SYT1: variants seen among roughly 807,000 people sequenced by gnomAD.
SYT1 encodes synaptotagmin 1.
Under a neutral mutation model 44.8 loss-of-function variants are expected in SYT1, and 8 were observed. The observed-to-expected ratio is 0.18, with a 90% CI of 0.10 to 0.32. The LOEUF is 0.32. Among genes scored for constraint, SYT1 ranks in the 10% least tolerant of loss-of-function variants. The pLI, the probability that SYT1 is intolerant of heterozygous loss-of-function variation, is 1.00. For synonymous variants in SYT1, 154 were observed against 188.8 expected (o/e 0.82, Z 1.51); for missense variants, 286 against 509.3 (o/e 0.56, Z 4.22).
chr12:79,149,662 T>G (rs1870143690), intron 3 of SYT1, among the ~76,000 whole-genome samples: 1 of 152,130 alleles, frequency 6.6e-6, no homozygotes, highest in Non-Finnish European at 1.5e-5. Flanking sequence ...AAAAATAGGG[T>G]GATGAGTGCT....
intron 3 of SYT1, among the ~76,000 whole-genome samples, chr12:79,092,182 C>G (rs561225250): frequency 6.6e-6 from 1 of 151,980 alleles, no homozygotes; most frequent in Non-Finnish European, 1.5e-5. Context: ...AATTATTTAT[C>G]CAAGATATCA....
At chr12:79,028,803 A>G (rs1872673914) in intron 2 of SYT1, among the ~76,000 whole-genome samples, 1 of 151,282 alleles carries the variant, frequency 6.6e-6, no homozygotes, top group Admixed American at 6.6e-5. Context: ...TTGAGTGACA[A>G]TTTTATGCCG....
intron 8 of SYT1, among the ~76,000 whole-genome samples, chr12:79,304,791 TATA>T (rs1346927425): frequency 1.3e-5 from 2 of 152,036 alleles, no homozygotes; most frequent in African/African-American, 2.4e-5. Context: ...AATTTTATAA[TATA>T]GTAGATATAG....
chr12:79,005,249 T>C (rs1304182978), intron 2 of SYT1, among the ~76,000 whole-genome samples: 1 of 152,070 alleles, frequency 6.6e-6, no homozygotes, highest in East Asian at 1.9e-4. Flanking sequence ...TCTGAACCTA[T>C]TTATTAGTAA....
At chr12:78,951,807 A>G (rs549746485) in intron 1 of SYT1, among the ~76,000 whole-genome samples, 5 of 152,086 alleles carry the variant, frequency 3.3e-5, no homozygotes, top group Non-Finnish European at 7.4e-5. Flanking sequence ...TCTAATCGCA[A>G]CCTCCGTGCA....
Position 79,372,133 on chromosome 12 carries a change from G to A in SYT1, c.928+18514G>A, listed in dbSNP as rs564846196. Among the ~76,000 whole-genome samples, 229 of 152,104 alleles carry A rather than the reference G, an allele frequency of 1.5e-3. 1 individual carries two copies. Among genetic ancestry groups the A allele is most frequent in the Admixed American group, 5.2e-3 (80 of 15,272 alleles). On this transcript the variant is annotated intron_variant, in intron 9 of 10. Coordinates refer to ENST00000261205, the MANE Select transcript of SYT1 (RefSeq NM_005639.3). The stretch of plus-strand genomic sequence containing the variant: ...GTCCCATGATTTATCACACACTGTA[G>A]GTATTCGTGGCTCTTTCTCTGTGAA...
rs1219589671 is a variant in SYT1 at position 79,198,517 on chromosome 12, A to ATTTTATTTGATAC, written c.-17-18986_-17-18985insTTTTATTTGATAC. 3.0e-3 allele frequency among the ~76,000 whole-genome samples: 459 copies of ATTTTATTTGATAC among 152,354 alleles called. 3 individuals carry two copies. The highest frequency in any genetic ancestry group is 2.4e-3 in the Non-Finnish European group (162 of 68,028). ...TAAATTGATTTTATGCAATACACAG[A>ATTTTATTTGATAC]AAACAAGTATTTTATTGATATAAGT... On this transcript the variant is annotated intron_variant, in intron 3 of 10. Transcript: ENST00000261205.
rs1263210038 is a variant in SYT1 at position 78,929,407 on chromosome 12, CCCAAAAAAAAA to C, written c.-216-48391_-216-48381del. On this transcript the variant is annotated intron_variant, in intron 1 of 10. Transcript: ENST00000261205. Reference sequence around the variant, plus strand: ...CCTGGGTGACAGAGAGAGACTCCGTCCCAAAAAAAAAAAAAAAAAAAAAAAAAAAAAAAAAA... The same window carrying C: ...CCTGGGTGACAGAGAGAGACTCCGTCAAAAAAAAAAAAAAAAAAAAAAAAA... Among the ~76,000 whole-genome samples the C allele has an allele frequency of 6.3e-3, 93 of 14,680 alleles. 2 individuals are homozygous for C. Among genetic ancestry groups the C allele is most frequent in the South Asian group, 0.016 (7 of 448 alleles). The allele number at this position is 14,680 out of a possible 152,430, so 9.6% of individuals were successfully genotyped here. A position where few individuals can be genotyped will look rare whatever the true frequency, so the allele number is the denominator to read the frequency against.
intron 3 of SYT1, among the ~76,000 whole-genome samples, chr12:79,200,512 G>C (rs1237152367): frequency 2.6e-5 from 4 of 152,070 alleles, no homozygotes; most frequent in Non-Finnish European, 5.9e-5. Context: ...AAACTCAAAA[G>C]GGTATGAAAG....
chr12:78,924,629 A>T (rs1158879332), intron 1 of SYT1, among the ~76,000 whole-genome samples: 1 of 147,810 alleles, frequency 6.8e-6, no homozygotes, highest in Non-Finnish European at 1.5e-5. Flanking sequence ...ATATATATGT[A>T]TATATATTCT....
chr12:79,335,737 C>G (rs780754825), intron 8 of SYT1, among the ~76,000 whole-genome samples: 2 of 152,202 alleles, frequency 1.3e-5, no homozygotes, highest in Non-Finnish European at 2.9e-5. Flanking sequence ...CTCATGCTAC[C>G]TTTTCCTTAT....
intron 4 of SYT1, among the ~76,000 whole-genome samples, chr12:79,242,026 C>T (rs1876544307): frequency 2.6e-5 from 4 of 152,190 alleles, no homozygotes; most frequent in Admixed American, 2.6e-4. Context: ...AGGCATGGAA[C>T]AGAGTCTCTC....
At chr12:79,098,592 A>C (rs1283730488) in intron 3 of SYT1, among the ~76,000 whole-genome samples, 1 of 152,142 alleles carries the variant, frequency 6.6e-6, no homozygotes, top group Admixed American at 6.6e-5. Flanking sequence ...GTTATTTTAC[A>C]GTGTCCAGTT....
At chr12:78,931,160 GGAAAGAAAGAAAGAAAGAAAAAGAAA>G (rs1280624024) in intron 1 of SYT1, among the ~76,000 whole-genome samples, 1 of 118,052 alleles carries the variant, frequency 8.5e-6, no homozygotes, top group African/African-American at 3.4e-5. Flanking sequence ...GAAAGTCTGT[GGAAAGAAAGAAAGAAAGAAAAAGAAA>G]GAAAGAAAGA....
chr12:78,931,126 C>A lies in SYT1; in HGVS notation c.-216-46673C>A, dbSNP rs149359863. On this transcript the variant is annotated intron_variant, in intron 1 of 10. Transcript: ENST00000261205. ...GCAGTGAGCTGAGATCGCACCACTGCACTCCAGTCTGGGCAGCAAGAGTGA... is the reference window on the plus strand; with the variant it reads ...GCAGTGAGCTGAGATCGCACCACTGAACTCCAGTCTGGGCAGCAAGAGTGA... Among the ~76,000 whole-genome samples, 613 of 146,382 alleles carry A rather than the reference C, an allele frequency of 4.2e-3. 7 individuals are homozygous for A. The highest frequency in any genetic ancestry group is 0.015 in the African/African-American group (588 of 39,020).
chr12:78,986,556 C>T (rs117261210), intron 2 of SYT1, among the ~76,000 whole-genome samples: 27 of 151,744 alleles, frequency 1.8e-4, no homozygotes, highest in Non-Finnish European at 2.9e-4. Flanking sequence ...AACAAAGTAA[C>T]GATTATTTGG....
At chr12:79,272,848 C>T (rs1555213239) in intron 4 of SYT1, among the ~76,000 whole-genome samples, 7 of 152,042 alleles carry the variant, frequency 4.6e-5, no homozygotes. Context: ...AAAATAAAAG[C>T]AGAAGAAAAT....
At chr12:79,094,013 C>A (rs1439613363) in intron 3 of SYT1, among the ~76,000 whole-genome samples, 1 of 151,372 alleles carries the variant, frequency 6.6e-6, no homozygotes, top group Non-Finnish European at 1.5e-5. Flanking sequence ...CCAGCCAAAC[C>A]AAATATATTT....
chr12:78,866,205 AC>A (rs1347945149), intron 1 of SYT1, among the ~76,000 whole-genome samples: 2 of 152,196 alleles, frequency 1.3e-5, no homozygotes, highest in Non-Finnish European at 2.9e-5. Context: ...CTACCTTTGT[AC>A]TATTTGCATT....
Sources: gnomAD v4.1 joint callset for allele counts (sites outside exome capture counted in the v4.1 genomes callset) on GRCh38, gnomAD v4.1.1 for gene constraint, MANE v1.5 for transcripts, NCBI Gene and HGNC (gene_info 2026-07-23, HGNC 2026-07-21) for gene names.